The following HS6ST2 variants were observed in gnomAD, a reference collection of about 807,000 sequenced individuals.
HS6ST2 encodes heparan sulfate 6-O-sulfotransferase 2, also known as heparan-sulfate 6-O-sulfotransferase 2.
HS6ST2 carries 17 observed loss-of-function variants against 33.0 expected under a neutral mutation model. That is an observed-to-expected ratio of 0.52 (90% CI 0.35 to 0.77). The LOEUF (loss-of-function observed/expected upper bound fraction) is 0.77, where lower values mean the gene tolerates loss of function less well. HS6ST2 is among the 30% of genes least tolerant of loss of function. The pLI is 0.01. For missense variants in HS6ST2, 519 were observed against 551.7 expected, an observed-to-expected ratio of 0.94 and a Z score of 0.59; for synonymous variants, 248 against 237.1, an observed-to-expected ratio of 1.05 and a Z score of -0.42.
chrX:132,771,903 G>T (rs769900708), intron 2 of HS6ST2, among the ~76,000 whole-genome samples: 1 of 111,745 alleles, frequency 8.9e-6, no homozygotes, highest in African/African-American at 3.2e-5. Flanking sequence ...TCTCCTCTTT[G>T]ATGTGATGTA....
chrX:132,745,899 T>C (rs1000268435), intron 2 of HS6ST2, among the ~76,000 whole-genome samples: 1 of 112,239 alleles, frequency 8.9e-6, no homozygotes, highest in Non-Finnish European at 1.9e-5. Context: ...TATCAGTTTC[T>C]GTTTTTTTCT....
intron 2 of HS6ST2, among the ~76,000 whole-genome samples, chrX:132,753,321 A>T (rs754258127): frequency 8.9e-6 from 1 of 111,965 alleles, no homozygotes; most frequent in East Asian, 2.8e-4. Context: ...TTATATACAA[A>T]TAAAGAGAAT....
In HS6ST2 at chrX:132,802,217, C is replaced by T. The variant is rs762148155; in HGVS notation, c.948-93723G>A. 3.6e-5 allele frequency among the ~76,000 whole-genome samples: 4 copies of T among 112,082 alleles called. No homozygotes were observed. The East Asian group carries it at 8.5e-4, about 24-fold the overall frequency. On this transcript the variant is annotated intron_variant, in intron 2 of 4. Coordinates refer to ENST00000370833, the MANE Select transcript of HS6ST2 (RefSeq NM_001394073.1). Reference sequence around the variant, plus strand: ...GTTGCTTAGCTCACGGAAGACTAACCAAGTGAGAAGAGAAAAATGAAACCT... The same window carrying T: ...GTTGCTTAGCTCACGGAAGACTAACTAAGTGAGAAGAGAAAAATGAAACCT...
intron 2 of HS6ST2, among the ~76,000 whole-genome samples, chrX:132,899,966 A>G (rs987426741): frequency 1.8e-5 from 2 of 111,780 alleles, no homozygotes; most frequent in Admixed American, 9.5e-5. Flanking sequence ...GAAAAAAAAA[A>G]CTGTCTTTCA....
At chrX:132,737,753 C>T (rs974177585) in intron 2 of HS6ST2, among the ~76,000 whole-genome samples, 5 of 112,492 alleles carry the variant, frequency 4.4e-5, no homozygotes, top group Non-Finnish European at 5.6e-5. Flanking sequence ...TAGAACATAC[C>T]CTGCCCCCAC....
At chrX:132,851,049 G>A (rs777576493) in intron 2 of HS6ST2, among the ~76,000 whole-genome samples, 10 of 111,847 alleles carry the variant, frequency 8.9e-5, no homozygotes, top group Non-Finnish European at 1.3e-4. Flanking sequence ...ATTAGTAGAA[G>A]AGCTATAAAA....
At chrX:132,929,348 G>A (rs2066741892) in intron 2 of HS6ST2, among the ~76,000 whole-genome samples, 1 of 110,558 alleles carries the variant, frequency 9.0e-6, no homozygotes, top group South Asian at 3.9e-4. Context: ...TGACAAGCCA[G>A]GTGCCATGGT....
At chrX:132,925,652 T>G (rs1482370005) in intron 2 of HS6ST2, among the ~76,000 whole-genome samples, 1 of 111,891 alleles carries the variant, frequency 8.9e-6, no homozygotes, top group African/African-American at 3.3e-5. Context: ...TTGATTTTTT[T>G]GTTTACAGCC....
Position 132,781,674 on chromosome X carries a change from G to A in HS6ST2, c.948-73180C>T, listed in dbSNP as rs2065017699. ...AGGCCTCAGGGAACCTATAATTGAG[G>A]TGGAAGGTGAACGGGAAGCAAGGCA... On this transcript the variant is annotated intron_variant, in intron 2 of 4. Transcript: ENST00000370833. Among the ~76,000 whole-genome samples the A allele has an allele frequency of 1.8e-5, 2 of 111,629 alleles. 1 individual carries two copies. The highest frequency in any genetic ancestry group is 1.9e-4 in the Admixed American group (2 of 10,510).
intron 4 of HS6ST2, among the ~76,000 whole-genome samples, chrX:132,631,327 G>A (rs1421489269): frequency 1.8e-5 from 2 of 112,080 alleles, no homozygotes; most frequent in Non-Finnish European, 3.8e-5. Context: ...ATCTGGGAGT[G>A]AGGATGGAAA....
intron 2 of HS6ST2, among the ~76,000 whole-genome samples, chrX:132,715,187 C>A (rs916049569): frequency 3.6e-5 from 4 of 111,799 alleles, no homozygotes; most frequent in African/African-American, 1.3e-4. Context: ...GTATTCCCAA[C>A]ACTTTGGGAA....
chrX:132,726,331 A>G (rs2064392027), intron 2 of HS6ST2, among the ~76,000 whole-genome samples: 1 of 111,946 alleles, frequency 8.9e-6, no homozygotes, highest in African/African-American at 3.2e-5. Context: ...AAAATGAAAA[A>G]ATAATAAAAA....
At chrX:132,947,163 T>C (rs1257549379) in intron 2 of HS6ST2, among the ~76,000 whole-genome samples, 2 of 110,879 alleles carry the variant, frequency 1.8e-5, no homozygotes, top group Admixed American at 1.9e-4. Flanking sequence ...AAGTGTTTCA[T>C]ATGCACTTGT....
intron 2 of HS6ST2, among the ~76,000 whole-genome samples, chrX:132,938,012 A>G: frequency 9.2e-6 from 1 of 108,383 alleles, no homozygotes; most frequent in Non-Finnish European, 1.9e-5. Flanking sequence ...AAAAAATAAA[A>G]TTATCTGGGA....
In HS6ST2 at chrX:132,628,424, C is replaced by T; in HGVS notation, c.1737G>A (p.Gln579=). 1 of 1,207,235 alleles carries T rather than the reference C, an allele frequency of 8.3e-7. No homozygotes were observed. Among genetic ancestry groups the T allele is most frequent in the African/African-American group, 1.7e-5 (1 of 57,615 alleles). Reference sequence around the variant, plus strand: ...TCTGACTCTGATTCTGATTCGGATTCTGGCTCTGGCCCTGACCCTGGCTCT... The same window carrying T: ...TCTGACTCTGATTCTGATTCGGATTTTGGCTCTGGCCCTGACCCTGGCTCT... ...HFQSQGQGQS[Q]NPNQNQSQNP... The change falls in exon 5 of 5, where the codon CAG becomes CAA. Residue 579 remains glutamine, a synonymous_variant. Coordinates refer to ENST00000370833, the MANE Select transcript of HS6ST2 (RefSeq NM_001394073.1).
intron 4 of HS6ST2, among the ~76,000 whole-genome samples, chrX:132,665,694 G>A (rs1187768566): frequency 9.0e-6 from 1 of 110,975 alleles, no homozygotes; most frequent in African/African-American, 3.3e-5. Context: ...TTGGTCATGG[G>A]TCAACCTCTG....
chrX:132,636,061 C>G (rs1041273118), intron 4 of HS6ST2, among the ~76,000 whole-genome samples: 3 of 111,407 alleles, frequency 2.7e-5, no homozygotes, highest in African/African-American at 9.8e-5. Context: ...TCACAATGTG[C>G]TGGGATTGTC....
intron 2 of HS6ST2, among the ~76,000 whole-genome samples, chrX:132,772,049 A>G (rs772567795): frequency 8.9e-6 from 1 of 111,910 alleles, no homozygotes; most frequent in African/African-American, 3.2e-5. Flanking sequence ...AAATTGTTGT[A>G]ATTACCAGAA....
At chrX:132,889,255 T>C (rs979199270) in intron 2 of HS6ST2, among the ~76,000 whole-genome samples, 2 of 111,418 alleles carry the variant, frequency 1.8e-5, no homozygotes, top group Non-Finnish European at 3.8e-5. Flanking sequence ...TTTGCAACTT[T>C]TTCCACCAAC....
Sources: gnomAD v4.1 joint callset for allele counts (sites outside exome capture counted in the v4.1 genomes callset) on GRCh38, gnomAD v4.1.1 for gene constraint, MANE v1.5 for transcripts, NCBI Gene and HGNC (gene_info 2026-07-23, HGNC 2026-07-21) for gene names.